CCDC88A: variants seen among roughly 807,000 people sequenced by gnomAD.
CCDC88A encodes girdin.
In CCDC88A, 54 loss-of-function variants were observed where a neutral mutation model predicts 234.3. The observed-to-expected ratio is 0.23, with a 90% CI of 0.19 to 0.29. CCDC88A has a LOEUF of 0.29. Ranked by LOEUF, CCDC88A falls within the 10% of genes least tolerant of loss-of-function variation. The probability of loss-of-function intolerance (pLI) is 1.00; values close to 1 mark genes in which losing one functional copy is unlikely to be tolerated. For missense variants in CCDC88A, 1,832 were observed against 2,123.4 expected (o/e 0.86, Z 2.70); for synonymous variants, 753 against 737.8 (o/e 1.02, Z -0.33).
At position 55,355,702 on chromosome 2, in the gene CCDC88A, T is replaced by C; in HGVS notation, c.677A>G (p.His226Arg). The change falls in exon 8 of 33, where the codon CAT becomes CGT. Residue 226 changes from histidine (H) to arginine (R), a missense_variant. By Grantham distance (29) the His-to-Arg change is conservative. This residue lies in a region of CCDC88A where 1,282 missense variants were observed against 1,543.6 expected (regional missense o/e 0.83). Transcript: ENST00000436346. ...GGGTGACTGTGCAGATGAAGAGGCA[T>C]GGGGTAGAAAATGGAGACCATCCCG... Reference protein sequence around the residue: ...EERDGLHFLPHASSSAQSPCG... With the variant: ...EERDGLHFLPRASSSAQSPCG... 1 of 1,613,926 alleles carries C rather than the reference T, an allele frequency of 6.2e-7. No individual in the cohort carries two copies. The highest frequency in any genetic ancestry group is 8.5e-7 in the Non-Finnish European group (1 of 1,179,834).
intron 10 of CCDC88A, among the ~76,000 whole-genome samples, chr2:55,344,900 C>G (rs1330267906): frequency 6.6e-6 from 1 of 152,102 alleles, no homozygotes; most frequent in African/African-American, 2.4e-5. Context: ...GGAGCTATAA[C>G]TTGGAAGTGA....
At chr2:55,414,550 G>C (rs1024871891) in intron 2 of CCDC88A, among the ~76,000 whole-genome samples, 3 of 152,086 alleles carry the variant, frequency 2.0e-5, no homozygotes, top group African/African-American at 7.2e-5. Flanking sequence ...GAGATTATTT[G>C]CTTCAAAAAG....
chr2:55,386,732 A>T (rs1391642783), intron 3 of CCDC88A, among the ~76,000 whole-genome samples: 1 of 151,542 alleles, frequency 6.6e-6, no homozygotes, highest in African/African-American at 2.4e-5. Context: ...TCGGCCTCCC[A>T]AAGTGCTGGG....
intron 3 of CCDC88A, among the ~76,000 whole-genome samples, chr2:55,376,638 A>C (rs913808009): frequency 3.3e-5 from 5 of 152,236 alleles, no homozygotes; most frequent in African/African-American, 1.2e-4. Flanking sequence ...CATTTAAAGA[A>C]AAGTACATAC....
At chr2:55,349,775 T>C in intron 8 of CCDC88A, 176 bp from the exon 9 acceptor site, 1 of 505,110 alleles carries the variant, frequency 2.0e-6, no homozygotes, top group East Asian at 3.3e-5. Context: ...TATAATTAGA[T>C]GCCATTAATA....
chr2:55,301,373 CAT>C (rs1338751143), intron 27 of CCDC88A, 96 bp from the exon 28 acceptor site: 25 of 658,452 alleles, frequency 3.8e-5, no homozygotes, highest in African/African-American at 9.3e-5. Context: ...GTTTTTCAAT[CAT>C]GTATAATACA....
At chr2:55,359,514 AAAAC>A (rs1671008357) in intron 7 of CCDC88A, among the ~76,000 whole-genome samples, 2 of 151,758 alleles carry the variant, frequency 1.3e-5, no homozygotes, top group South Asian at 4.1e-4. Flanking sequence ...GTCTGACTCA[AAAAC>A]AAACAAAATA....
intron 5 of CCDC88A, 143 bp downstream of exon 5, chr2:55,372,309 G>T: frequency 2.0e-6 from 1 of 491,270 alleles, no homozygotes; most frequent in South Asian, 4.6e-5. Flanking sequence ...AATCTCCTTA[G>T]GAGGTTATAC....
In CCDC88A at chr2:55,346,463, A is replaced by G. The variant is rs1040878460; in HGVS notation, c.883-130T>C. On this transcript the variant is annotated intron_variant, in intron 9 of 32. Coordinates refer to ENST00000436346, the MANE Select transcript of CCDC88A (RefSeq NM_001365480.1). ...AGATGGAGTTTCACTCTTGTTGCCC[A>G]GGCTGGAGTGCAATGGTGCAATCTC... 3.6e-5 allele frequency: 17 copies of G among 471,070 alleles called. No individual in the cohort carries two copies. The East Asian group carries it at 7.6e-4, about 21-fold the overall frequency. The allele number at this position is 471,070 out of a possible 1,614,324, so 29.2% of individuals were successfully genotyped here.
intron 7 of CCDC88A, among the ~76,000 whole-genome samples, chr2:55,361,588 A>G (rs1286093775): frequency 2.0e-5 from 3 of 152,222 alleles, no homozygotes; most frequent in African/African-American, 7.2e-5. Flanking sequence ...AATTCTCTAT[A>G]AATAAGCTCA....
At chr2:55,339,412 AC>A in intron 13 of CCDC88A, 51 bp downstream of exon 13, 1 of 1,264,044 alleles carries the variant, frequency 7.9e-7, no homozygotes, top group Admixed American at 2.7e-5. Context: ...CTATTTATTT[AC>A]ACTTTTACAA....
chr2:55,294,486 T>G, intron 31 of CCDC88A: 1 of 903,156 alleles, frequency 1.1e-6, no homozygotes. Flanking sequence ...TATAAAGTGT[T>G]GAATTATTAA....
chr2:55,379,093 C>G (rs547124062), intron 3 of CCDC88A, among the ~76,000 whole-genome samples: 1 of 152,030 alleles, frequency 6.6e-6, no homozygotes, highest in East Asian at 1.9e-4. Flanking sequence ...TTCCCCATTC[C>G]AATTTTATGA....
At chr2:55,318,709 G>A in intron 19 of CCDC88A, 134 bp downstream of exon 19, 1 of 603,800 alleles carries the variant, frequency 1.7e-6, no homozygotes, top group Non-Finnish European at 2.6e-6. Context: ...ATTTGGCATG[G>A]CACTAAATAA....
At position 55,413,950 on chromosome 2, in the gene CCDC88A, AAAAAAC is replaced by A. The variant is rs1473722120; in HGVS notation, c.164+4860_164+4865del. Among the ~76,000 whole-genome samples the A allele has an allele frequency of 3.5e-5, 3 of 86,070 alleles. No individual in the cohort carries two copies. In the East Asian group the frequency reaches 9.3e-4, roughly 27 times the overall value. The allele number at this position is 86,070 out of a possible 152,430, so 56.5% of individuals were successfully genotyped here. On this transcript the variant is annotated intron_variant, in intron 2 of 32. Transcript: ENST00000436346. ...CCGGGCAACAGAACAAGACCGTCTCAAAAAACAAAAACAAAAACAAAAAAAAAAAAC... is the reference window on the plus strand; with the variant it reads ...CCGGGCAACAGAACAAGACCGTCTCAAAAAACAAAAACAAAAAAAAAAAAC...
intron 2 of CCDC88A, 112 bp downstream of exon 2, chr2:55,418,704 T>G: frequency 1.3e-6 from 1 of 759,882 alleles, no homozygotes; most frequent in South Asian, 1.5e-5. Flanking sequence ...TTAAACCACC[T>G]GAATATTTCT....
At chr2:55,295,420 T>A (rs530823965) in intron 31 of CCDC88A, 177 bp downstream of exon 31, 1 of 1,550,104 alleles carries the variant, frequency 6.5e-7, no homozygotes, top group South Asian at 1.2e-5. Flanking sequence ...TCACTAGGCA[T>A]CCTAATAGTG....
intron 7 of CCDC88A, among the ~76,000 whole-genome samples, chr2:55,358,040 A>G (rs571145688): frequency 1.3e-5 from 2 of 152,284 alleles, no homozygotes; most frequent in Non-Finnish European, 2.9e-5. Context: ...ACTCAGTCCA[A>G]GAGATTATTC....
At chr2:55,295,470 G>C (rs1456876976) in intron 31 of CCDC88A, 127 bp downstream of exon 31, 1 of 1,577,126 alleles carries the variant, frequency 6.3e-7, no homozygotes, top group Admixed American at 1.9e-5. Flanking sequence ...TCCTGTTCTT[G>C]AGTTTCTAGC....
Sources: allele counts gnomAD v4.1 joint callset (sites outside exome capture counted in the v4.1 genomes callset), GRCh38; gene constraint gnomAD v4.1.1; regional missense constraint gnomAD v4.1.1; transcripts MANE v1.5; gene names NCBI Gene and HGNC (gene_info 2026-07-23, HGNC 2026-07-21).